The following TENM1 variants were observed in gnomAD, a reference collection of about 807,000 sequenced individuals.
TENM1 encodes teneurin-1.
Under a neutral mutation model 174.8 loss-of-function variants are expected in TENM1, and 35 were observed. That is an observed-to-expected ratio of 0.20 (90% CI 0.15 to 0.27). The LOEUF (loss-of-function observed/expected upper bound fraction) is 0.27, where lower values mean the gene tolerates loss of function less well. TENM1 is among the 10% of genes least tolerant of loss of function. The pLI, the probability that TENM1 is intolerant of heterozygous loss-of-function variation, is 1.00. For synonymous variants in TENM1, 781 were observed against 798.7 expected, an observed-to-expected ratio of 0.98 and a Z score of 0.37; for missense variants, 1,633 against 2,130.1, an observed-to-expected ratio of 0.77 and a Z score of 4.59.
chrX:124,761,604 A>C (rs1266199908), intron 3 of TENM1, among the ~76,000 whole-genome samples: 7 of 108,829 alleles, frequency 6.4e-5, no homozygotes, highest in Non-Finnish European at 1.1e-4. Flanking sequence ...ATGACGAGTT[A>C]ATGCGTGCAG....
At chrX:124,853,345 G>T (rs1331955944) in intron 3 of TENM1, among the ~76,000 whole-genome samples, 1 of 111,186 alleles carries the variant, frequency 9.0e-6, no homozygotes, top group East Asian at 2.8e-4. Flanking sequence ...GAAAACTGAG[G>T]ACTAAATGGT....
chrX:124,631,401 A>G (rs949879158), intron 11 of TENM1, among the ~76,000 whole-genome samples: 1 of 111,626 alleles, frequency 9.0e-6, no homozygotes. Flanking sequence ...ATAAGATAAC[A>G]AAGGGAAACA....
chrX:124,909,309 A>G (rs1490417910), intron 1 of TENM1, among the ~76,000 whole-genome samples: 1 of 112,274 alleles, frequency 8.9e-6, no homozygotes. Context: ...TAAGCAGCAC[A>G]TTCAAATTCA....
At chrX:124,464,015 T>C (rs1234979844) in intron 22 of TENM1, among the ~76,000 whole-genome samples, 1 of 110,658 alleles carries the variant, frequency 9.0e-6, no homozygotes, top group Non-Finnish European at 1.9e-5. Context: ...TCAGTATATA[T>C]GGGCTAAGAT....
chrX:124,412,373 G>T (rs915514936), intron 25 of TENM1, among the ~76,000 whole-genome samples: 3 of 112,720 alleles, frequency 2.7e-5, no homozygotes, highest in Non-Finnish European at 5.6e-5. Context: ...ATTTACACAT[G>T]ATTAAAAATA....
the TENM1 span, among the ~76,000 whole-genome samples, chrX:125,099,056 C>A: frequency 1.5e-4 from 17 of 112,427 alleles, no homozygotes; most frequent in South Asian, 2.6e-3. Flanking sequence ...TAAAGTAGGT[C>A]TAGCTTCAGC....
intron 1 of TENM1, among the ~76,000 whole-genome samples, chrX:124,946,660 G>T (rs1047431223): frequency 5.4e-5 from 6 of 111,598 alleles, no homozygotes; most frequent in African/African-American, 2.0e-4. Context: ...ACTAAGAATT[G>T]ACCATTGAAT....
At chrX:124,474,128 A>T (rs1230528421) in intron 22 of TENM1, among the ~76,000 whole-genome samples, 1 of 111,668 alleles carries the variant, frequency 9.0e-6, no homozygotes, top group African/African-American at 3.3e-5. Flanking sequence ...CTTATTACAT[A>T]TATGGGTCAT....
At chrX:124,764,021 G>T (rs2148611737) in intron 3 of TENM1, among the ~76,000 whole-genome samples, 1 of 112,284 alleles carries the variant, frequency 8.9e-6, no homozygotes, top group East Asian at 2.8e-4. Flanking sequence ...CGTTTATAAA[G>T]AAATTTATGT....
At chrX:124,837,065 A>G (rs2056406137) in intron 3 of TENM1, among the ~76,000 whole-genome samples, 2 of 112,068 alleles carry the variant, frequency 1.8e-5, no homozygotes, top group Non-Finnish European at 3.8e-5. Context: ...TCATCCAACT[A>G]TTACATACAG....
At chrX:124,424,996 G>A in intron 23 of TENM1, among the ~76,000 whole-genome samples, 1 of 111,182 alleles carries the variant, frequency 9.0e-6, no homozygotes, top group African/African-American at 3.3e-5. Flanking sequence ...CCAGTCTCAG[G>A]TATTTCTTTA....
intron 3 of TENM1, among the ~76,000 whole-genome samples, chrX:124,867,650 A>C (rs1023575146): frequency 8.0e-5 from 9 of 112,033 alleles, no homozygotes; most frequent in Non-Finnish European, 1.5e-4. Context: ...GTAATCATAT[A>C]AGAGAATGAT....
chrX:124,443,178 G>C (rs1447183911), intron 23 of TENM1, among the ~76,000 whole-genome samples: 1 of 105,967 alleles, frequency 9.4e-6, no homozygotes, highest in Non-Finnish European at 1.9e-5. Context: ...TGAAGAGGAG[G>C]CTGCATATTA....
upstream of TENM1, among the ~76,000 whole-genome samples, chrX:124,966,437 C>T (rs893368065): frequency 9.0e-6 from 1 of 110,739 alleles, no homozygotes; most frequent in Admixed American, 9.6e-5. Context: ...CCGAGGCGGG[C>T]GGATCACGAG....
At chrX:125,114,960 T>A in the TENM1 span, among the ~76,000 whole-genome samples, 1 of 111,510 alleles carries the variant, frequency 9.0e-6, no homozygotes, top group Non-Finnish European at 1.9e-5. Flanking sequence ...CAGGCCAATA[T>A]CCCTGATGAA....
chrX:124,482,439 A>T (rs1217650713), intron 21 of TENM1, among the ~76,000 whole-genome samples: 1 of 110,947 alleles, frequency 9.0e-6, no homozygotes, highest in South Asian at 3.9e-4. Flanking sequence ...CCCAGGCCCC[A>T]GTTGTCAATT....
chrX:125,118,824 T>C, the TENM1 span, among the ~76,000 whole-genome samples: 11 of 111,992 alleles, frequency 9.8e-5, no homozygotes, highest in South Asian at 2.6e-3. Context: ...AGAACTCATA[T>C]GTAAAAAAGT....
At chrX:124,795,664 C>A (rs959216080) in intron 3 of TENM1, among the ~76,000 whole-genome samples, 22 of 110,707 alleles carry the variant, frequency 2.0e-4, no homozygotes, top group South Asian at 1.1e-3. Flanking sequence ...CAGAAAAAAA[C>A]CACCCTAAGA....
intron 3 of TENM1, among the ~76,000 whole-genome samples, chrX:124,876,607 G>A (rs1021597596): frequency 5.4e-5 from 6 of 111,747 alleles, no homozygotes; most frequent in Admixed American, 1.9e-4. Flanking sequence ...AAACATTTAA[G>A]TAGCATTGAA....
Sources: allele counts gnomAD v4.1 joint callset (sites outside exome capture counted in the v4.1 genomes callset), GRCh38; gene constraint gnomAD v4.1.1; transcripts MANE v1.5; gene names NCBI Gene and HGNC (gene_info 2026-07-23, HGNC 2026-07-21).